TENM3: variants seen among roughly 807,000 people sequenced by gnomAD.
TENM3 encodes teneurin transmembrane protein 3, also known as teneurin-3.
TENM3 carries 63 observed loss-of-function variants against 255.1 expected under a neutral mutation model. That is an observed-to-expected ratio of 0.25 (90% confidence interval 0.20 to 0.30). TENM3 has a LOEUF of 0.30. Ranked by LOEUF, TENM3 falls within the 10% of genes least tolerant of loss-of-function variation. The pLI is 1.00. For synonymous variants in TENM3, 1,306 were observed against 1,322.3 expected (o/e 0.99, Z 0.27); for missense variants, 2,929 against 3,461.1 (o/e 0.85, Z 3.86).
chr4:181,841,418 G>A, the TENM3 span, among the ~76,000 whole-genome samples: 1 of 152,018 alleles, frequency 6.6e-6, no homozygotes, highest in Non-Finnish European at 1.5e-5. Flanking sequence ...CCTCAGGCCT[G>A]CTGAATCAGA....
At chr4:182,312,705 G>T (rs944477544) in intron 1 of TENM3, among the ~76,000 whole-genome samples, 1 of 152,198 alleles carries the variant, frequency 6.6e-6, no homozygotes, top group Non-Finnish European at 1.5e-5. Flanking sequence ...CAGGGTGTCT[G>T]ATTTAAGCCA....
At chr4:181,626,236 C>T in the TENM3 span, among the ~76,000 whole-genome samples, 1 of 152,034 alleles carries the variant, frequency 6.6e-6, no homozygotes, top group Non-Finnish European at 1.5e-5. Context: ...CATGCAGGAA[C>T]AGCACAGCAT....
the TENM3 span, among the ~76,000 whole-genome samples, chr4:181,747,531 G>T: frequency 6.6e-6 from 1 of 151,708 alleles, no homozygotes; most frequent in African/African-American, 2.4e-5. Flanking sequence ...CCTAATTTTT[G>T]CCCACTTTTC....
intron 3 of TENM3, among the ~76,000 whole-genome samples, chr4:182,495,637 C>T (rs1287886117): frequency 1.3e-5 from 2 of 152,160 alleles, no homozygotes; most frequent in Non-Finnish European, 2.9e-5. Context: ...AGAATGTTTT[C>T]AAGATTTCCC....
chr4:181,788,607 G>GT, the TENM3 span, among the ~76,000 whole-genome samples: 3 of 151,908 alleles, frequency 2.0e-5, no homozygotes, highest in East Asian at 1.9e-4. Context: ...TTTTCTTTTT[G>GT]TTTTTTTAGA....
the TENM3 span, among the ~76,000 whole-genome samples, chr4:181,684,747 T>C: frequency 6.6e-6 from 1 of 151,976 alleles, no homozygotes; most frequent in Non-Finnish European, 1.5e-5. Context: ...GTCTGTTTTT[T>C]GTTTGTTTGT....
the TENM3 span, among the ~76,000 whole-genome samples, chr4:181,735,360 T>C: frequency 5.9e-5 from 9 of 152,284 alleles, no homozygotes; most frequent in South Asian, 1.4e-3. Context: ...CTAATGCCCA[T>C]ACAATTTGAT....
chr4:182,712,811 AC>A (rs992954349), intron 12 of TENM3, among the ~76,000 whole-genome samples: 26 of 152,252 alleles, frequency 1.7e-4, no homozygotes, highest in Non-Finnish European at 3.5e-4. Context: ...AAGCTGTAAA[AC>A]AAACCCCAAT....
intron 5 of TENM3, among the ~76,000 whole-genome samples, chr4:182,638,421 A>G (rs1243657978): frequency 6.6e-6 from 1 of 152,124 alleles, no homozygotes; most frequent in Middle Eastern, 3.2e-3. Flanking sequence ...TTGATAACTA[A>G]GGAGGTCAGC....
chr4:182,475,897 G>A (rs750937936), intron 3 of TENM3, among the ~76,000 whole-genome samples: 11 of 152,126 alleles, frequency 7.2e-5, no homozygotes, highest in Non-Finnish European at 1.5e-4. Flanking sequence ...AGAATTCAAG[G>A]CTTCTAGGTA....
intron 12 of TENM3, among the ~76,000 whole-genome samples, chr4:182,689,531 A>G (rs1185586652): frequency 1.3e-5 from 2 of 152,212 alleles, no homozygotes; most frequent in Non-Finnish European, 2.9e-5. Flanking sequence ...AGAAGAACTC[A>G]GGACCCAGAG....
chr4:181,619,588 AT>A, the TENM3 span, among the ~76,000 whole-genome samples: 2 of 150,660 alleles, frequency 1.3e-5, no homozygotes, highest in Admixed American at 6.6e-5. Context: ...TATTTGGCCA[AT>A]TTTTTTTTAT....
chr4:182,331,908 G>C (rs1194422215), intron 2 of TENM3, among the ~76,000 whole-genome samples: 1 of 152,186 alleles, frequency 6.6e-6, no homozygotes, highest in African/African-American at 2.4e-5. Flanking sequence ...TTAGTAGTGA[G>C]ATATTTTGAT....
the TENM3 span, among the ~76,000 whole-genome samples, chr4:181,964,218 G>A: frequency 2.9e-3 from 437 of 152,082 alleles, 4 homozygotes; most frequent in Middle Eastern, 0.024. Flanking sequence ...TGACCACAGA[G>A]GCATTTGCTC....
At chr4:182,260,980 A>T (rs996343758) in intron 1 of TENM3, among the ~76,000 whole-genome samples, 5 of 151,652 alleles carry the variant, frequency 3.3e-5, no homozygotes. Context: ...GGTTCAGTTG[A>T]TTCTCCTGCT....
At chr4:181,530,694 G>A in the TENM3 span, among the ~76,000 whole-genome samples, 1 of 152,098 alleles carries the variant, frequency 6.6e-6, no homozygotes, top group Admixed American at 6.5e-5. Flanking sequence ...CCTCCAAACA[G>A]GCATAGCCAT....
At chr4:182,052,999 G>T in the TENM3 span, among the ~76,000 whole-genome samples, 2 of 151,946 alleles carry the variant, frequency 1.3e-5, no homozygotes, top group Non-Finnish European at 2.9e-5. Context: ...AATACAAATG[G>T]GATCTAATGG....
At chr4:182,768,771 A>G (rs1763932019) in intron 22 of TENM3, among the ~76,000 whole-genome samples, 1 of 152,216 alleles carries the variant, frequency 6.6e-6, no homozygotes, top group South Asian at 2.1e-4. Context: ...ATTAAAGACC[A>G]ACAAACAGAT....
At chr4:182,709,824 T>G (rs59628391) in intron 12 of TENM3, among the ~76,000 whole-genome samples, 1 of 152,192 alleles carries the variant, frequency 6.6e-6, no homozygotes, top group African/African-American at 2.4e-5. Flanking sequence ...AGTACAGATA[T>G]TTTTCTTACG....
Sources: gnomAD v4.1 joint callset for allele counts (sites outside exome capture counted in the v4.1 genomes callset) on GRCh38, gnomAD v4.1.1 for gene constraint, MANE v1.5 for transcripts, NCBI Gene and HGNC (gene_info 2026-07-23, HGNC 2026-07-21) for gene names.